Variants in MAPK8IP3 observed in about 807,000 individuals in gnomAD.
MAPK8IP3 encodes the protein C-Jun-amino-terminal kinase-interacting protein 3.
Under a neutral mutation model 157.8 loss-of-function variants are expected in MAPK8IP3, and 49 were observed. The observed-to-expected ratio is 0.31, with a 90% confidence interval of 0.25 to 0.39. The LOEUF (loss-of-function observed/expected upper bound fraction) is 0.39, where lower values mean the gene tolerates loss of function less well. Ranked by LOEUF, MAPK8IP3 falls within the 10% of genes least tolerant of loss-of-function variation. The pLI is 1.00. For missense variants in MAPK8IP3, 1,478 were observed against 1,889.4 expected, an observed-to-expected ratio of 0.78 and a Z score of 4.04; for synonymous variants, 897 against 777.7, an observed-to-expected ratio of 1.15 and a Z score of -2.55.
At chr16:1,763,462 A>G (rs918088236) in intron 16 of MAPK8IP3, among the ~76,000 whole-genome samples, 195 bp from the exon 17 acceptor site, 10 of 152,206 alleles carry the variant, frequency 6.6e-5, no homozygotes, top group Non-Finnish European at 1.3e-4. Context: ...AGCCGGTGCC[A>G]GGAAAGCCAC....
chr16:1,764,823 A>C (rs1466797664), intron 19 of MAPK8IP3, among the ~76,000 whole-genome samples, 190 bp from the exon 20 acceptor site: 1 of 152,060 alleles, frequency 6.6e-6, no homozygotes, highest in Non-Finnish European at 1.5e-5. Flanking sequence ...TGGAGGCGAA[A>C]CCGTGTCTGT....
In MAPK8IP3 at chr16:1,742,417, C is replaced by T. The variant is rs1380214807; in HGVS notation, c.603-915C>T. ...TCCGAGGCCAGGCTGTCCCAGGGTC[C>T]GTCTTCAGGTTCGGGGCTCCCTGAC... On this transcript the variant is annotated intron_variant, in intron 4 of 31. Transcript: ENST00000610761. This position sits in a 1 kb window ranked among gnomAD's most constrained non-coding sequence, Gnocchi z 5.0. 6.6e-6 allele frequency among the ~76,000 whole-genome samples: 1 copy of T among 152,154 alleles called. No homozygotes were observed. Among genetic ancestry groups the T allele is most frequent in the East Asian group, 1.9e-4 (1 of 5,190 alleles).
intron 2 of MAPK8IP3, among the ~76,000 whole-genome samples, chr16:1,725,841 G>T (rs2038842858): frequency 6.6e-6 from 1 of 151,768 alleles, no homozygotes; most frequent in Admixed American, 6.6e-5. Flanking sequence ...GGGACTACAG[G>T]TGCCCGCCAC....
In MAPK8IP3 at chr16:1,724,449, G is replaced by A. The variant is rs371443447; in HGVS notation, c.319-108G>A. ...GGCCATGGGCCAGCTTGTGGCCCTG[G>A]GGACATCTTTGGCCCCTGGGCCCTC... On this transcript the variant is annotated intron_variant, in intron 1 of 31. Transcript: ENST00000610761. This position sits in a 1 kb window ranked among gnomAD's most constrained non-coding sequence, Gnocchi z 4.1. 3.8e-5 allele frequency: 55 copies of A among 1,440,936 alleles called. No individual in the cohort carries two copies. In the Middle Eastern group the frequency reaches 7.4e-4, roughly 19 times the overall value. 89.3% of individuals were successfully genotyped at this position (1,440,936 alleles called of 1,614,324 possible).
intron 9 of MAPK8IP3, 102 bp downstream of exon 9, chr16:1,758,261 GC>G: frequency 5.1e-6 from 7 of 1,381,290 alleles, no homozygotes; most frequent in South Asian, 1.2e-5. Context: ...TGTGTGGACT[GC>G]CCCCCACGTC....
chr16:1,769,331 G>C lies in MAPK8IP3; in HGVS notation c.*507G>C, dbSNP rs2042474758. On this transcript the variant is annotated 3_prime_UTR_variant, in exon 32 of 32. Transcript: ENST00000610761. Reference sequence around the variant, plus strand: ...CTTTGCCCAGGGAGGTGGGCCTCAGGCTGCCCAGGTGCCTGCACCCCAGCC... The same window carrying C: ...CTTTGCCCAGGGAGGTGGGCCTCAGCCTGCCCAGGTGCCTGCACCCCAGCC... 6.2e-6 allele frequency: 1 copy of C among 162,492 alleles called. No individual in the cohort carries two copies. The highest frequency in any genetic ancestry group is 1.4e-5 in the Non-Finnish European group (1 of 74,000). 10.1% of individuals were successfully genotyped at this position (162,492 alleles called of 1,614,324 possible). A position where few individuals can be genotyped will look rare whatever the true frequency, so the allele number is the denominator to read the frequency against.
chr16:1,750,202 GTTTATTTA>G (rs370041068), intron 8 of MAPK8IP3, among the ~76,000 whole-genome samples: 6,617 of 151,866 alleles, frequency 0.044, 279 homozygotes, highest in African/African-American at 0.11. Flanking sequence ...TTCAGATAAT[GTTTATTTA>G]TTTATTTATT....
intron 4 of MAPK8IP3, among the ~76,000 whole-genome samples, chr16:1,733,048 G>C (rs1269572000): frequency 2.0e-5 from 3 of 152,270 alleles, no homozygotes; most frequent in Non-Finnish European, 4.4e-5. Context: ...GTTGGAAGAG[G>C]ATTCCAAGCT....
intron 6 of MAPK8IP3, 95 bp downstream of exon 6, chr16:1,747,370 A>G: frequency 6.6e-7 from 1 of 1,505,832 alleles, no homozygotes; most frequent in Non-Finnish European, 8.9e-7. Flanking sequence ...CGGGCAGTGC[A>G]GGCAGCAGAG....
chr16:1,747,848 G>A (rs531708675), intron 6 of MAPK8IP3, among the ~76,000 whole-genome samples: 31 of 151,360 alleles, frequency 2.0e-4, no homozygotes, highest in African/African-American at 7.1e-4. Context: ...AGTAGCCTAC[G>A]TCACCCCATG....
chr16:1,717,923 C>T (rs1454602451), intron 1 of MAPK8IP3, among the ~76,000 whole-genome samples: 1 of 151,908 alleles, frequency 6.6e-6, no homozygotes, highest in East Asian at 1.9e-4. Context: ...ACGATCTCAG[C>T]TCACTGCAAG....
At chr16:1,722,308 T>C (rs530140488) in intron 1 of MAPK8IP3, among the ~76,000 whole-genome samples, 1 of 152,302 alleles carries the variant, frequency 6.6e-6, no homozygotes, top group African/African-American at 2.4e-5. Flanking sequence ...CCCTCCCGCC[T>C]CTGTGGTTTT....
rs771564689 is a variant in MAPK8IP3, at chr16:1,762,857, T to C, written c.1749T>C (p.Ser583=). Residue 583 remains serine (S), a synonymous_variant, in exon 16 of 32, where the codon TCT becomes TCC. Coordinates refer to ENST00000610761, the MANE Select transcript of MAPK8IP3 (RefSeq NM_001318852.2). ...IWQFFSRLFS[S]SSSPPPAKRP... ...GCAGCTTCAGCCGCCTCTTCAGCTC[T>C]TCCTCCAGCCCCCCTCCGGCCAAGC... is the stretch of plus-strand genomic sequence containing the variant. 1.1e-5 allele frequency: 18 copies of C among 1,612,824 alleles called. No homozygotes were observed. In the South Asian group the frequency reaches 2.0e-4, roughly 18 times the overall value.
chr16:1,763,638 C>T lies in MAPK8IP3; in HGVS notation c.1899-19C>T. Reference sequence around the variant, plus strand: ...CGCTCACCCTGGACAGAGACATCACCCATCATTCTTCCACTCAGCGACTGC... The same window carrying T: ...CGCTCACCCTGGACAGAGACATCACTCATCATTCTTCCACTCAGCGACTGC... On this transcript the variant is annotated intron_variant, in intron 16 of 31. Coordinates refer to ENST00000610761, the MANE Select transcript of MAPK8IP3 (RefSeq NM_001318852.2). The T allele has an allele frequency of 6.5e-7, 1 of 1,540,428 alleles. No homozygotes were observed. The highest frequency in any genetic ancestry group is 8.8e-7 in the Non-Finnish European group (1 of 1,138,706).
chr16:1,762,739 G>T lies in MAPK8IP3; in HGVS notation c.1727+8G>T, dbSNP rs2042024066. ...GTCGACCATCTGGCAGTTGTAAGCT[G>T]GGGGCCCCTGGGGGATGTGGGCAGC... On this transcript the variant is annotated splice_region_variant and intron_variant, in intron 15 of 31. Coordinates refer to ENST00000610761, the MANE Select transcript of MAPK8IP3 (RefSeq NM_001318852.2). 1.3e-6 allele frequency: 2 copies of T among 1,579,422 alleles called. No individual in the cohort carries two copies. Among genetic ancestry groups the T allele is most frequent in the Non-Finnish European group, 8.6e-7 (1 of 1,160,598 alleles).
At position 1,742,429 on chromosome 16, in the gene MAPK8IP3, C is replaced by T. The variant is rs2040738798; in HGVS notation, c.603-903C>T. ...CTGTCCCAGGGTCCGTCTTCAGGTT[C>T]GGGGCTCCCTGACAGCAGAGAGGAC... On this transcript the variant is annotated intron_variant, in intron 4 of 31. Coordinates refer to ENST00000610761, the MANE Select transcript of MAPK8IP3 (RefSeq NM_001318852.2). The surrounding 1 kb of genome is among the most constrained non-coding windows in gnomAD (Gnocchi z 5.0). 6.6e-6 allele frequency among the ~76,000 whole-genome samples: 1 copy of T among 152,166 alleles called. No individual in the cohort carries two copies. The highest frequency in any genetic ancestry group is 1.5e-5 in the Non-Finnish European group (1 of 68,032).
At chr16:1,726,924 T>C (rs1458360624) in intron 2 of MAPK8IP3, among the ~76,000 whole-genome samples, 5 of 152,222 alleles carry the variant, frequency 3.3e-5, no homozygotes, top group African/African-American at 1.2e-4. Flanking sequence ...AGCAGCCAGT[T>C]ACATGTGTGC....
In MAPK8IP3 at chr16:1,724,376, G is replaced by T. The variant is rs554604721; in HGVS notation, c.319-181G>T. 6.6e-6 allele frequency among the ~76,000 whole-genome samples: 1 copy of T among 152,254 alleles called. No homozygotes were observed. The highest frequency in any genetic ancestry group is 2.4e-5 in the African/African-American group (1 of 41,482). On this transcript the variant is annotated intron_variant, in intron 1 of 31. Coordinates refer to ENST00000610761, the MANE Select transcript of MAPK8IP3 (RefSeq NM_001318852.2). This position sits in a 1 kb window ranked among gnomAD's most constrained non-coding sequence, Gnocchi z 4.1. ...CCTCATGGCTCCTCACTGTGCCTGA[G>T]GAGGGTGGTGGCCACAGCCACGTGG...
chr16:1,736,082 GA>G (rs2039759617), intron 4 of MAPK8IP3, among the ~76,000 whole-genome samples: 1 of 91,444 alleles, frequency 1.1e-5, no homozygotes, highest in Admixed American at 1.1e-4. Context: ...ATCCGTGTGA[GA>G]GTGTGACCGT....
Sources: gnomAD v4.1 joint callset for allele counts (sites outside exome capture counted in the v4.1 genomes callset) on GRCh38, gnomAD v4.1.1 for gene constraint, Gnocchi (gnomAD v3.1) non-coding constraint, MANE v1.5 for transcripts, NCBI Gene and HGNC (gene_info 2026-07-23, HGNC 2026-07-21) for gene names.